Variants in DLG2 observed in about 807,000 individuals in gnomAD.
DLG2 encodes the protein disks large homolog 2.
In DLG2, 45 loss-of-function variants were observed where a neutral mutation model predicts 132.5. The observed-to-expected ratio is 0.34, with a 90% CI of 0.27 to 0.44. The LOEUF (loss-of-function observed/expected upper bound fraction) is 0.44. DLG2 is among the 20% of genes least tolerant of loss of function. The pLI is 1.00. For synonymous variants in DLG2, 424 were observed against 419.6 expected (o/e 1.01, Z -0.13); for missense variants, 1,045 against 1,196.9 (o/e 0.87, Z 1.87).
intron 5 of DLG2, among the ~76,000 whole-genome samples, chr11:85,129,543 A>C (rs77622689): frequency 0.023 from 3,476 of 152,286 alleles, 55 homozygotes; most frequent in Admixed American, 0.042. Flanking sequence ...TCTCTAATGA[A>C]AAGCAATCAT....
intron 6 of DLG2, among the ~76,000 whole-genome samples, chr11:84,673,529 A>C (rs1480727787): frequency 6.6e-6 from 1 of 151,648 alleles, no homozygotes; most frequent in Admixed American, 6.6e-5. Flanking sequence ...TGATATTATT[A>C]TCTGGATTAT....
At chr11:85,534,676 T>C (rs1213271877) in intron 3 of DLG2, among the ~76,000 whole-genome samples, 1 of 152,236 alleles carries the variant, frequency 6.6e-6, no homozygotes, top group Non-Finnish European at 1.5e-5. Context: ...AGAACATGAT[T>C]ATAGCTGAAT....
intron 16 of DLG2, among the ~76,000 whole-genome samples, chr11:83,840,409 T>C (rs2057287492): frequency 6.6e-6 from 1 of 152,222 alleles, no homozygotes; most frequent in South Asian, 2.1e-4. Context: ...TATAATTAAT[T>C]ACACGAATGT....
chr11:84,154,203 G>T (rs7125922), intron 9 of DLG2, among the ~76,000 whole-genome samples: 18,039 of 152,136 alleles, frequency 0.12, 1,675 homozygotes, highest in African/African-American at 0.26. Flanking sequence ...TCACCATGTT[G>T]GCCAGGCTGG....
intron 6 of DLG2, among the ~76,000 whole-genome samples, chr11:84,664,963 A>AT (rs999514585): frequency 6.8e-4 from 102 of 149,584 alleles, no homozygotes; most frequent in Admixed American, 1.7e-3. Flanking sequence ...GGTATGACAT[A>AT]TTTTTTTTTT....
chr11:85,047,499 T>C lies in DLG2; in HGVS notation c.357+64162A>G, dbSNP rs372915810. On this transcript the variant is annotated intron_variant, in intron 6 of 27. Transcript: ENST00000376104. ...CATTCTAATTCAGACTTCATAGCTT[T>C]TGGAGTGAGAAGGTTTAGCCTCAAT... Among the ~76,000 whole-genome samples the C allele has an allele frequency of 2.0e-5, 3 of 151,914 alleles. No homozygotes were observed. The East Asian group carries it at 5.8e-4, about 29-fold the overall frequency.
At chr11:83,558,172 T>G (rs1267354972) in intron 19 of DLG2, among the ~76,000 whole-genome samples, 4 of 152,182 alleles carry the variant, frequency 2.6e-5, no homozygotes, top group Non-Finnish European at 5.9e-5. Context: ...AACCTCCCAC[T>G]GGGATTTTAT....
intron 18 of DLG2, among the ~76,000 whole-genome samples, chr11:83,635,997 T>C (rs1482685777): frequency 6.6e-6 from 1 of 152,172 alleles, no homozygotes; most frequent in East Asian, 1.9e-4. Flanking sequence ...CTTTTTCTGA[T>C]CCATGCTTTA....
At chr11:84,541,351 G>C (rs2099369232) in intron 6 of DLG2, among the ~76,000 whole-genome samples, 1 of 151,882 alleles carries the variant, frequency 6.6e-6, no homozygotes, top group Non-Finnish European at 1.5e-5. Flanking sequence ...CTGACTTCTG[G>C]AATTCTATCC....
intron 8 of DLG2, among the ~76,000 whole-genome samples, chr11:84,204,850 C>A (rs548797972): frequency 2.6e-5 from 4 of 152,018 alleles, no homozygotes; most frequent in Non-Finnish European, 5.9e-5. Context: ...TATAGGCTCC[C>A]GCCACCACAC....
chr11:83,539,537 A>G (rs1037639820), intron 20 of DLG2, among the ~76,000 whole-genome samples: 1 of 152,060 alleles, frequency 6.6e-6, no homozygotes, highest in Non-Finnish European at 1.5e-5. Flanking sequence ...TTCTACAATA[A>G]AAGGTATTAC....
intron 6 of DLG2, among the ~76,000 whole-genome samples, chr11:85,088,185 A>G (rs1052693568): frequency 1.3e-5 from 2 of 152,152 alleles, no homozygotes; most frequent in Non-Finnish European, 2.9e-5. Flanking sequence ...AAGGTAAGGG[A>G]AAAAAAGTCA....
At position 85,514,322 on chromosome 11, in the gene DLG2, G is replaced by C. The variant is rs566083085; in HGVS notation, c.40+84335C>G. On this transcript the variant is annotated intron_variant, in intron 3 of 27. Coordinates refer to ENST00000376104, the MANE Select transcript of DLG2 (RefSeq NM_001142699.3). ...ACAGCTCATTGGTGGATGTGAAACAGAGCCCAGATACACCTAGGTTTAAAG... is the reference window on the plus strand; with the variant it reads ...ACAGCTCATTGGTGGATGTGAAACACAGCCCAGATACACCTAGGTTTAAAG... 2.6e-5 allele frequency among the ~76,000 whole-genome samples: 4 copies of C among 152,078 alleles called. No homozygotes were observed. In the South Asian group the frequency reaches 6.2e-4, roughly 24 times the overall value.
rs2083219963 is a variant in DLG2, at chr11:83,702,947, C to T, written c.1826-69622G>A. The stretch of plus-strand genomic sequence containing the variant: ...ACTCTGATGGTAAGGAATTGCAGTT[C>T]TTCCGAAAAGCACTGTAAATGACAA... On this transcript the variant is annotated intron_variant, in intron 18 of 27. Coordinates refer to ENST00000376104, the MANE Select transcript of DLG2 (RefSeq NM_001142699.3). 3.9e-5 allele frequency among the ~76,000 whole-genome samples: 6 copies of T among 152,290 alleles called. No homozygotes were observed. In the South Asian group the frequency reaches 1.2e-3, roughly 32 times the overall value.
chr11:85,264,543 T>G (rs572837144), intron 4 of DLG2, among the ~76,000 whole-genome samples: 14 of 152,272 alleles, frequency 9.2e-5, no homozygotes, highest in South Asian at 6.2e-4. Context: ...TGAAAATGGT[T>G]AATACTCAGT....
intron 18 of DLG2, chr11:83,725,047 C>A (rs2089722469): frequency 1.7e-6 from 1 of 593,532 alleles, no homozygotes; most frequent in Non-Finnish European, 3.0e-6. Context: ...CCTTCCCAGG[C>A]TAGTGGCAGA....
intron 6 of DLG2, among the ~76,000 whole-genome samples, chr11:84,825,319 C>G (rs1285853846): frequency 6.6e-6 from 1 of 151,860 alleles, no homozygotes; most frequent in Non-Finnish European, 1.5e-5. Flanking sequence ...ACTGTCCTTT[C>G]ACATTCCTAA....
intron 17 of DLG2, chr11:83,791,596 T>A (rs1039222019): frequency 7.1e-6 from 3 of 425,236 alleles, no homozygotes; most frequent in Admixed American, 7.5e-5. Flanking sequence ...AGTTACCTAA[T>A]CCAACGGATG....
At chr11:84,356,367 T>G (rs1244497688) in intron 7 of DLG2, among the ~76,000 whole-genome samples, 1 of 152,142 alleles carries the variant, frequency 6.6e-6, no homozygotes, top group Non-Finnish European at 1.5e-5. Context: ...GAAGCTTATA[T>G]GCTAGCAAGA....
Sources: allele counts gnomAD v4.1 joint callset (sites outside exome capture counted in the v4.1 genomes callset), GRCh38; gene constraint gnomAD v4.1.1; transcripts MANE v1.5; gene names NCBI Gene and HGNC (gene_info 2026-07-23, HGNC 2026-07-21).